The following COL4A2 variants were observed in gnomAD, a reference collection of about 807,000 sequenced individuals.
The protein encoded by COL4A2 is collagen alpha-2(IV) chain.
COL4A2 carries 99 observed loss-of-function variants against 200.2 expected under a neutral mutation model. That is an observed-to-expected ratio of 0.49 (90% confidence interval 0.42 to 0.58). The LOEUF (loss-of-function observed/expected upper bound fraction) is 0.58. COL4A2 is among the 20% of genes least tolerant of loss of function. COL4A2 has a pLI of 0.00. For synonymous variants in COL4A2, 897 were observed against 900.6 expected (o/e 1.00, Z 0.07); for missense variants, 1,950 against 2,314.1 (o/e 0.84, Z 3.23).
intron 4 of COL4A2, among the ~76,000 whole-genome samples, chr13:110,417,676 G>A (rs1169068122): frequency 6.6e-6 from 1 of 152,152 alleles, no homozygotes; most frequent in African/African-American, 2.4e-5. Flanking sequence ...CTTTAGTTTC[G>A]CCTTTTCTAG....
intron 29 of COL4A2, among the ~76,000 whole-genome samples, chr13:110,474,226 C>T (rs1049700990): frequency 6.6e-6 from 1 of 152,224 alleles, no homozygotes. Context: ...CTGCTGCCAA[C>T]CCCAGCCCGA....
intron 4 of COL4A2, among the ~76,000 whole-genome samples, chr13:110,366,222 A>G (rs1278972330): frequency 1.3e-5 from 2 of 152,236 alleles, no homozygotes; most frequent in African/African-American, 4.8e-5. Context: ...AGACCAGACC[A>G]TAGTAGTTAC....
intron 30 of COL4A2, among the ~76,000 whole-genome samples, chr13:110,478,367 T>C (rs181069401): frequency 1.1e-3 from 172 of 152,288 alleles, no homozygotes; most frequent in African/African-American, 3.8e-3. Flanking sequence ...GTACCTGTTG[T>C]ATATATTAAG....
chr13:110,446,290 G>A (rs905680848), intron 17 of COL4A2, among the ~76,000 whole-genome samples: 2 of 152,326 alleles, frequency 1.3e-5, no homozygotes, highest in African/African-American at 4.8e-5. Flanking sequence ...CTAGCTGAGA[G>A]GGGAACGCAC....
chr13:110,430,943 A>G (rs1880657749), intron 10 of COL4A2: 1 of 503,892 alleles, frequency 2.0e-6, no homozygotes, highest in East Asian at 5.3e-5. Context: ...AAAGTCCCAC[A>G]GGTTCATAAG....
At chr13:110,457,493 C>A in intron 21 of COL4A2, 58 bp downstream of exon 21, 1 of 1,013,938 alleles carries the variant, frequency 9.9e-7, no homozygotes, top group Non-Finnish European at 1.6e-6. Context: ...AGTCCCTCAC[C>A]TTACAGAAGG....
chr13:110,439,481 G>A (rs1418177125), intron 15 of COL4A2, among the ~76,000 whole-genome samples: 1 of 152,164 alleles, frequency 6.6e-6, no homozygotes, highest in African/African-American at 2.4e-5. Flanking sequence ...GTCTTGGGGT[G>A]GCTCTGACGT....
At chr13:110,337,223 G>C (rs983944795) in intron 3 of COL4A2, among the ~76,000 whole-genome samples, 5 of 152,242 alleles carry the variant, frequency 3.3e-5, no homozygotes, top group African/African-American at 1.2e-4. Flanking sequence ...ATGGGCGCCG[G>C]AAGTTTTAGA....
At chr13:110,367,361 T>A (rs1877801770) in intron 4 of COL4A2, among the ~76,000 whole-genome samples, 1 of 152,258 alleles carries the variant, frequency 6.6e-6, no homozygotes, top group Non-Finnish European at 1.5e-5. Context: ...ATTAAATTGT[T>A]GTCTTTGTGA....
At chr13:110,315,982 C>G (rs1885119831) in intron 3 of COL4A2, among the ~76,000 whole-genome samples, 1 of 151,618 alleles carries the variant, frequency 6.6e-6, no homozygotes, top group South Asian at 2.1e-4. Context: ...TTTTTTTTCC[C>G]AAATTATCTG....
chr13:110,506,568 A>C lies in COL4A2; in HGVS notation c.4556A>C (p.Tyr1519Ser). ...NKLWSGYSLL[Y>S]FEGQEKAHNQ... Reference sequence around the variant, plus strand: ...CTCTGGAGTGGATACAGCCTGCTGTACTTCGAGGGCCAGGAGAAGGCGCAC... The same window carrying C: ...CTCTGGAGTGGATACAGCCTGCTGTCCTTCGAGGGCCAGGAGAAGGCGCAC... Residue 1519 changes from tyrosine to serine, a missense_variant, in exon 46 of 48, where the codon TAC (tyrosine) becomes TCC (serine). Physicochemically the swap from Tyr to Ser is moderately radical, Grantham distance 144. Coordinates refer to ENST00000360467, the MANE Select transcript of COL4A2 (RefSeq NM_001846.4). The C allele has an allele frequency of 6.2e-7, 1 of 1,613,050 alleles. No homozygotes were observed. The highest frequency in any genetic ancestry group is 2.2e-5 in the East Asian group (1 of 44,858).
intron 4 of COL4A2, among the ~76,000 whole-genome samples, chr13:110,375,906 T>C (rs1003331638): frequency 5.3e-5 from 8 of 152,178 alleles, no homozygotes; most frequent in African/African-American, 1.9e-4. Context: ...TACAAGTTTT[T>C]ATTCATTTAA....
intron 3 of COL4A2, among the ~76,000 whole-genome samples, chr13:110,343,363 A>C (rs1170778809): frequency 6.6e-6 from 1 of 152,128 alleles, no homozygotes; most frequent in Non-Finnish European, 1.5e-5. Flanking sequence ...TTATGCACAG[A>C]CCTTCTTCCA....
At chr13:110,359,025 A>G (rs984643467) in intron 4 of COL4A2, among the ~76,000 whole-genome samples, 4 of 152,230 alleles carry the variant, frequency 2.6e-5, no homozygotes, top group African/African-American at 9.6e-5. Flanking sequence ...TATTCTGTAA[A>G]GAAAAAAGTA....
intron 37 of COL4A2, 119 bp downstream of exon 37, chr13:110,491,459 G>A: frequency 1.4e-6 from 1 of 729,140 alleles, no homozygotes. Context: ...GCTCACTCGT[G>A]CCTGCTGCCA....
intron 4 of COL4A2, among the ~76,000 whole-genome samples, chr13:110,410,014 A>G (rs1879766934): frequency 6.6e-6 from 1 of 152,212 alleles, no homozygotes; most frequent in Non-Finnish European, 1.5e-5. Flanking sequence ...GACCAGCATC[A>G]GACACTCGGT....
rs542743729 is a variant in COL4A2 at position 110,457,287 on chromosome 13, G to A, written c.1340-56G>A. The A allele has an allele frequency of 1.4e-4, 129 of 936,664 alleles. No individual in the cohort carries two copies. In the African/African-American group the frequency reaches 1.8e-3, roughly 13 times the overall value. The allele number at this position is 936,664 out of a possible 1,614,324, so 58.0% of individuals were successfully genotyped here. A position where few individuals can be genotyped will look rare whatever the true frequency, so the allele number is the denominator to read the frequency against. ...CGTGGGGCTGATGCCCTGCGTCTGC[G>A]TGGGACCCCAGGCGTCCGTGGGGCT... On this transcript the variant is annotated intron_variant, in intron 20 of 47. Coordinates refer to ENST00000360467, the MANE Select transcript of COL4A2 (RefSeq NM_001846.4).
intron 3 of COL4A2, among the ~76,000 whole-genome samples, chr13:110,350,010 G>C (rs541696483): frequency 1.3e-5 from 2 of 152,080 alleles, no homozygotes; most frequent in South Asian, 2.1e-4. Context: ...GTGATCCACC[G>C]CCTAGGCCTC....
At chr13:110,438,539 C>T in intron 14 of COL4A2, 79 bp from the exon 15 acceptor site, 1 of 1,547,902 alleles carries the variant, frequency 6.5e-7, no homozygotes, top group Non-Finnish European at 8.9e-7. Flanking sequence ...AGTCCTGGAG[C>T]AGAGGATGAC....
Sources: allele counts gnomAD v4.1 joint callset (sites outside exome capture counted in the v4.1 genomes callset), GRCh38; gene constraint gnomAD v4.1.1; transcripts MANE v1.5; gene names NCBI Gene and HGNC (gene_info 2026-07-23, HGNC 2026-07-21).